SLC2A8: variants seen among roughly 807,000 people sequenced by gnomAD.
SLC2A8 encodes solute carrier family 2 member 8.
Under a neutral mutation model 49.2 loss-of-function variants are expected in SLC2A8, and 53 were observed. The ratio of observed to expected loss-of-function variants is 1.08; its 90% CI spans 0.86 to 1.35. The LOEUF (loss-of-function observed/expected upper bound fraction) is 1.35. Ranked by LOEUF, SLC2A8 falls within the 40% of genes most tolerant of loss-of-function variation. SLC2A8 has a pLI of 0.00. For missense variants in SLC2A8, 688 were observed against 671.7 expected (o/e 1.02, Z -0.27); for synonymous variants, 299 against 297.0 (o/e 1.01, Z -0.07).
chr9:127,403,680 G>A lies in SLC2A8; in HGVS notation c.744G>A (p.Leu248=). 1 of 1,612,986 alleles carries A rather than the reference G, an allele frequency of 6.2e-7. No homozygotes were observed. The highest frequency in any genetic ancestry group is 8.5e-7 in the Non-Finnish European group (1 of 1,179,936). Reference sequence around the variant, plus strand: ...AGCAGAGCTTTCACCTGGCCCTGCTGCGGCAGCCCGGCATCTACAAGCCCT... The same window carrying A: ...AGCAGAGCTTTCACCTGGCCCTGCTACGGCAGCCCGGCATCTACAAGCCCT... ...GAEQSFHLAL[L]RQPGIYKPFI... Residue 248 remains leucine, a synonymous_variant, in exon 6 of 10, where the codon CTG becomes CTA. Coordinates refer to ENST00000373371, the MANE Select transcript of SLC2A8 (RefSeq NM_014580.5).
chr9:127,407,768 A>G lies in SLC2A8; in HGVS notation c.*519A>G, dbSNP rs1212621545. On this transcript the variant is annotated 3_prime_UTR_variant, in exon 10 of 10. Transcript: ENST00000373371. ...GGCTTTACTTGCTCATGGTCAGCCA[A>G]GCTTACCCTTCACACTGAGAAGTCA... The G allele has an allele frequency of 5.8e-6, 1 of 172,984 alleles. No homozygotes were observed. Among genetic ancestry groups the G allele is most frequent in the Non-Finnish European group, 1.3e-5 (1 of 79,284 alleles). 10.7% of individuals were successfully genotyped at this position (172,984 alleles called of 1,614,324 possible).
At position 127,407,280 on chromosome 9, in the gene SLC2A8, G is replaced by C. The variant is rs1833526435; in HGVS notation, c.*31G>C. 5 of 1,611,790 alleles carry C rather than the reference G, an allele frequency of 3.1e-6. No homozygotes were observed. The African/African-American group carries it at 6.7e-5, about 22-fold the overall frequency. Reference sequence around the variant, plus strand: ...ACTCACTAGGGGATGGAGCAAGCCTGTGACTCCAAGCTGGGCCCAAGCCCA... The same window carrying C: ...ACTCACTAGGGGATGGAGCAAGCCTCTGACTCCAAGCTGGGCCCAAGCCCA... On this transcript the variant is annotated 3_prime_UTR_variant, in exon 10 of 10. Coordinates refer to ENST00000373371, the MANE Select transcript of SLC2A8 (RefSeq NM_014580.5).
Position 127,397,488 on chromosome 9 carries a change from G to T in SLC2A8, c.169G>T (p.Ala57Ser). 1 of 1,463,186 alleles carries T rather than the reference G, an allele frequency of 6.8e-7. No individual in the cohort carries two copies. The highest frequency in any genetic ancestry group is 1.3e-5 in the South Asian group (1 of 75,668). 90.6% of individuals were successfully genotyped at this position (1,463,186 alleles called of 1,614,324 possible). ...CCCGGCCATCCCTAGCCTGCAGCGC[G>T]CCGCGCCCCCGGCCCCGCGCCTGGA... ...SSPAIPSLQR[A>S]APPAPRLDDA... Residue 57 changes from alanine (A) to serine (S), a missense_variant, in exon 2 of 10, where the codon GCC (alanine) becomes TCC (serine). Coordinates refer to ENST00000373371, the MANE Select transcript of SLC2A8 (RefSeq NM_014580.5).
intron 8 of SLC2A8, 78 bp from the exon 9 acceptor site, chr9:127,405,342 G>A (rs1264522625): frequency 1.3e-6 from 2 of 1,524,000 alleles, no homozygotes; most frequent in African/African-American, 2.7e-5. Flanking sequence ...GGGAAGCTGG[G>A]TCTCTTGGCT....
intron 4 of SLC2A8, among the ~76,000 whole-genome samples, 177 bp downstream of exon 4, chr9:127,400,183 T>TTTTTTTTTTTTTTTTA (rs1833226571): frequency 6.7e-6 from 1 of 149,210 alleles, no homozygotes; most frequent in Admixed American, 6.6e-5. Flanking sequence ...TTTTTTTTTT[T>TTTTTTTTTTTTTTTTA]GAGACAGAGT....
rs530044491 is a variant in SLC2A8, at chr9:127,403,703, C to T, written c.767C>T (p.Pro256Leu). Residue 256 changes from proline (P) to leucine (L), a missense_variant, in exon 6 of 10, where the codon CCC becomes CTC. By Grantham distance (98) the Pro-to-Leu change is moderately conservative. Coordinates refer to ENST00000373371, the MANE Select transcript of SLC2A8 (RefSeq NM_014580.5). Reference sequence around the variant, plus strand: ...CTGCGGCAGCCCGGCATCTACAAGCCCTTCATCATCGGCGTCTCCCTGATG... The same window carrying T: ...CTGCGGCAGCCCGGCATCTACAAGCTCTTCATCATCGGCGTCTCCCTGATG... ...ALLRQPGIYKPFIIGVSLMAF... is the reference protein window; with the variant it reads ...ALLRQPGIYKLFIIGVSLMAF... The T allele has an allele frequency of 6.2e-7, 1 of 1,613,070 alleles. No individual in the cohort carries two copies. The highest frequency in any genetic ancestry group is 2.2e-5 in the East Asian group (1 of 44,884).
chr9:127,405,490 C>G lies in SLC2A8; in HGVS notation c.1221C>G (p.Gly407=). 1 of 1,613,166 alleles carries G rather than the reference C, an allele frequency of 6.2e-7. No individual in the cohort carries two copies. The highest frequency in any genetic ancestry group is 8.5e-7 in the Non-Finnish European group (1 of 1,179,986). ...MSEIFPLHVK[G]VATGICVLTN... is the part of the protein sequence containing the mutation. The stretch of plus-strand genomic sequence containing the variant: ...AGATCTTCCCTCTGCATGTCAAGGG[C>G]GTGGCGACAGGCATCTGCGTCCTCA... Residue 407 remains glycine (G), a synonymous_variant, in exon 9 of 10, where the codon GGC becomes GGG. Coordinates refer to ENST00000373371, the MANE Select transcript of SLC2A8 (RefSeq NM_014580.5).
At chr9:127,403,615 G>A (rs186710596) in intron 5 of SLC2A8, 45 bp from the exon 6 acceptor site, 1,348 of 1,610,286 alleles carry the variant, frequency 8.4e-4, no homozygotes, top group Admixed American at 1.3e-3. Flanking sequence ...GGCCGCTTGC[G>A]GGAGGGGAGA....
At chr9:127,401,626 T>C (rs543828048) in intron 4 of SLC2A8, among the ~76,000 whole-genome samples, 1 of 152,362 alleles carries the variant, frequency 6.6e-6, no homozygotes, top group Admixed American at 6.5e-5. Flanking sequence ...TAATATGTGC[T>C]TGTTGCTTCT....
intron 7 of SLC2A8, chr9:127,404,456 T>C: frequency 8.8e-6 from 3 of 339,922 alleles, no homozygotes; most frequent in South Asian, 4.6e-5. Context: ...AGCACCATTT[T>C]GAGGAGTGGG....
Position 127,399,348 on chromosome 9 carries a change from C to T in SLC2A8, c.427-559C>T, listed in dbSNP as rs898792338. 1.3e-5 allele frequency among the ~76,000 whole-genome samples: 2 copies of T among 152,182 alleles called. No homozygotes were observed. Among genetic ancestry groups the T allele is most frequent in the Non-Finnish European group, 2.9e-5 (2 of 68,034 alleles). On this transcript the variant is annotated intron_variant, in intron 3 of 9. Transcript: ENST00000373371. This position sits in a 1 kb window ranked among gnomAD's most constrained non-coding sequence, Gnocchi z 4.2. ...GAGAAGCTCTGTGCCCACCGCCTCT[C>T]GTCATCATATGCAGCCCTCTCCGTT...
In SLC2A8 at chr9:127,400,166, C is replaced by CTTTTTTTTTTTTTTTTTTT. The variant is rs796202714; in HGVS notation, c.526+177_526+178insTTTTTTTTTTTTTTTTTTT. On this transcript the variant is annotated intron_variant, in intron 4 of 9. Transcript: ENST00000373371. Reference sequence around the variant, plus strand: ...TCCTGGGACCTTGGGATAGGTGAGTCTTTTTTTTTTTTTTTTTGAGACAGA... The same window carrying CTTTTTTTTTTTTTTTTTTT: ...TCCTGGGACCTTGGGATAGGTGAGTCTTTTTTTTTTTTTTTTTTTTTTTTTTTTTTTTTTTTGAGACAGA... Among the ~76,000 whole-genome samples, 51 of 116,802 alleles carry CTTTTTTTTTTTTTTTTTTT rather than the reference C, an allele frequency of 4.4e-4. 3 individuals are homozygous for CTTTTTTTTTTTTTTTTTTT. Among genetic ancestry groups the CTTTTTTTTTTTTTTTTTTT allele is most frequent in the African/African-American group, 1.0e-3 (30 of 29,474 alleles). The allele number at this position is 116,802 out of a possible 152,430, so 76.6% of individuals were successfully genotyped here.
At chr9:127,398,232 T>G (rs1833123932) in intron 3 of SLC2A8, 121 bp downstream of exon 3, 2 of 1,019,360 alleles carry the variant, frequency 2.0e-6, no homozygotes, top group South Asian at 2.6e-5. Context: ...GGTGCCAGGC[T>G]TGAAGTCCCT....
At chr9:127,404,183 T>C (rs988908686) in intron 7 of SLC2A8, 116 bp downstream of exon 7, 1 of 704,980 alleles carries the variant, frequency 1.4e-6, no homozygotes, top group African/African-American at 1.8e-5. Flanking sequence ...CATGGACTAA[T>C]GCGGCCATGA....
At chr9:127,402,093 A>G (rs1462589879) in intron 4 of SLC2A8, among the ~76,000 whole-genome samples, 1 of 152,190 alleles carries the variant, frequency 6.6e-6, no homozygotes, top group Non-Finnish European at 1.5e-5. Flanking sequence ...CAGAGTGGAG[A>G]GATGTCCAGT....
At chr9:127,402,156 C>A (rs570753189) in intron 4 of SLC2A8, among the ~76,000 whole-genome samples, 38 of 152,348 alleles carry the variant, frequency 2.5e-4, no homozygotes, top group African/African-American at 8.2e-4. Context: ...TCCCCATTGC[C>A]TGTTTCTTGG....
At chr9:127,398,298 A>G in intron 3 of SLC2A8, 187 bp downstream of exon 3, 1 of 789,230 alleles carries the variant, frequency 1.3e-6, no homozygotes, top group East Asian at 2.4e-5. Flanking sequence ...TGTTCTCTCC[A>G]TTTTACACTG....
rs1406449594 is a variant in SLC2A8 at position 127,399,878 on chromosome 9, G to A, written c.427-29G>A. The A allele has an allele frequency of 3.7e-6, 6 of 1,601,608 alleles. No individual in the cohort carries two copies. Among genetic ancestry groups the A allele is most frequent in the Non-Finnish European group, 5.1e-6 (6 of 1,169,728 alleles). On this transcript the variant is annotated intron_variant, in intron 3 of 9. Coordinates refer to ENST00000373371, the MANE Select transcript of SLC2A8 (RefSeq NM_014580.5). This position sits in a 1 kb window ranked among gnomAD's most constrained non-coding sequence, Gnocchi z 4.2. ...TTGCAGGCATGAGCCACTGCGCCCA[G>A]CCATAAATCCTCATCTGATTGCTGG... is the stretch of plus-strand genomic sequence containing the variant.
chr9:127,397,812 G>A (rs1833095650), intron 2 of SLC2A8, 93 bp from the exon 3 acceptor site: 1 of 1,308,378 alleles, frequency 7.6e-7, no homozygotes, highest in South Asian at 1.6e-5. Context: ...GCGGGGCCCC[G>A]GCTCTTTTAC....
Sources: gnomAD v4.1 joint callset for allele counts (sites outside exome capture counted in the v4.1 genomes callset) on GRCh38, gnomAD v4.1.1 for gene constraint, Gnocchi (gnomAD v3.1) non-coding constraint, MANE v1.5 for transcripts, NCBI Gene and HGNC (gene_info 2026-07-23, HGNC 2026-07-21) for gene names.